The following PCDH9 variants were observed in gnomAD, a reference collection of about 807,000 sequenced individuals.
PCDH9 encodes the protein protocadherin-9.
A neutral mutation model predicts 70.6 loss-of-function variants in PCDH9; 24 were observed. The observed-to-expected ratio is 0.34, with a 90% CI of 0.25 to 0.48. The LOEUF (loss-of-function observed/expected upper bound fraction) is 0.48. Ranked by LOEUF, PCDH9 falls within the 20% of genes least tolerant of loss-of-function variation. The probability of loss-of-function intolerance (pLI) is 0.99; values close to 1 mark genes in which losing one functional copy is unlikely to be tolerated. For missense variants in PCDH9, 1,281 were observed against 1,503.6 expected, an observed-to-expected ratio of 0.85 and a Z score of 2.45; for synonymous variants, 562 against 558.5, an observed-to-expected ratio of 1.01 and a Z score of -0.09.
chr13:66,903,557 A>G lies in PCDH9; in HGVS notation c.3085T>C (p.Cys1029Arg). The G allele has an allele frequency of 6.3e-7, 1 of 1,585,718 alleles. No homozygotes were observed. Among genetic ancestry groups the G allele is most frequent in the Non-Finnish European group, 8.7e-7 (1 of 1,155,470 alleles). The change falls in exon 3 of 5, where the codon TGT becomes CGT. Residue 1029 changes from cysteine (C) to arginine (R), a missense_variant. Cys to Arg is a radical substitution (Grantham distance 180, BLOSUM62 -3). Coordinates refer to ENST00000377865, the MANE Select transcript of PCDH9 (RefSeq NM_203487.3). ...ATGTGGAAACCCGTGGAGCTGGGAC[A>G]TTTCTGAGGAGTGACAGGAATATTG... ...SDNIPVTPQKCPSSTGFHIQE... is the reference protein window; with the variant it reads ...SDNIPVTPQKRPSSTGFHIQE...
At chr13:66,601,238 C>A (rs2077162041) in intron 4 of PCDH9, among the ~76,000 whole-genome samples, 1 of 145,580 alleles carries the variant, frequency 6.9e-6, no homozygotes, top group Non-Finnish European at 1.5e-5. Flanking sequence ...ATATTTCTAG[C>A]AAAAAGATAT....
chr13:67,008,054 T>C (rs1392767840), intron 2 of PCDH9, among the ~76,000 whole-genome samples: 2 of 152,074 alleles, frequency 1.3e-5, no homozygotes, highest in Non-Finnish European at 2.9e-5. Context: ...AAAGCTCACA[T>C]ACATTTTATT....
chr13:66,307,078 T>G lies in PCDH9; in HGVS notation c.3341-2050A>C, dbSNP rs17081102. Among the ~76,000 whole-genome samples the G allele has an allele frequency of 5.5e-3, 837 of 152,178 alleles. 9 individuals are homozygous for G. The highest frequency in any genetic ancestry group is 0.019 in the African/African-American group (787 of 41,530). On this transcript the variant is annotated intron_variant, in intron 4 of 4. Transcript: ENST00000377865. ...AAGCAAGCTTCCATAACTCTACCAATTCATGCTTCATATGCACCTTGATTT... is the reference window on the plus strand; with the variant it reads ...AAGCAAGCTTCCATAACTCTACCAAGTCATGCTTCATATGCACCTTGATTT...
intron 2 of PCDH9, among the ~76,000 whole-genome samples, chr13:66,997,680 G>A (rs901435226): frequency 5.3e-5 from 8 of 152,030 alleles, no homozygotes; most frequent in African/African-American, 1.4e-4. Context: ...GACTACGGGC[G>A]CACATCACCA....
chr13:66,502,613 A>C (rs1959182436), intron 4 of PCDH9, among the ~76,000 whole-genome samples: 1 of 150,110 alleles, frequency 6.7e-6, no homozygotes, highest in Admixed American at 6.7e-5. Context: ...ACAGAAGTAC[A>C]CGCTACTGAA....
At chr13:67,128,177 A>G (rs181495298) in intron 2 of PCDH9, among the ~76,000 whole-genome samples, 113 of 152,332 alleles carry the variant, frequency 7.4e-4, no homozygotes, top group South Asian at 2.9e-3. Context: ...AGTGAGAGTG[A>G]ACACTGCAAT....
At chr13:66,946,842 A>T (rs2083096080) in intron 2 of PCDH9, among the ~76,000 whole-genome samples, 1 of 152,192 alleles carries the variant, frequency 6.6e-6, no homozygotes. Flanking sequence ...TAGCCCAAAA[A>T]ATATGACTTT....
intron 2 of PCDH9, among the ~76,000 whole-genome samples, chr13:66,958,396 T>C (rs948137666): frequency 3.3e-5 from 5 of 152,204 alleles, no homozygotes; most frequent in Non-Finnish European, 5.9e-5. Flanking sequence ...GGGAGTTGCA[T>C]TGATATAGAA....
rs538543835 is a variant in PCDH9 at position 66,837,380 on chromosome 13, T to A, written c.3138+66124A>T. ...GGCTTCGTTTTACAGTGGGGAAAAG[T>A]GAGGAATGAAGAAGTTAACTGACCT... On this transcript the variant is annotated intron_variant, in intron 3 of 4. Coordinates refer to ENST00000377865, the MANE Select transcript of PCDH9 (RefSeq NM_203487.3). Among the ~76,000 whole-genome samples the A allele has an allele frequency of 1.1e-3, 169 of 152,170 alleles. 1 individual carries two copies. The highest frequency in any genetic ancestry group is 4.8e-3 in the South Asian group (23 of 4,820).
intron 3 of PCDH9, among the ~76,000 whole-genome samples, chr13:66,733,643 C>T (rs2079105246): frequency 1.4e-5 from 2 of 148,078 alleles, no homozygotes; most frequent in Admixed American, 1.4e-4. Context: ...AGATTAGTGG[C>T]ATTTTCATAT....
chr13:66,778,277 T>TATA (rs201574363), intron 3 of PCDH9, among the ~76,000 whole-genome samples: 6 of 151,840 alleles, frequency 4.0e-5, no homozygotes, highest in African/African-American at 7.2e-5. Context: ...AAACTTAAAG[T>TATA]ATAATAATAA....
chr13:66,373,067 G>C (rs1956686514), intron 4 of PCDH9, among the ~76,000 whole-genome samples: 1 of 151,920 alleles, frequency 6.6e-6, no homozygotes, highest in African/African-American at 2.4e-5. Context: ...ATAGACAAAA[G>C]GTGAAAACAA....
chr13:66,641,955 G>A (rs1266375307), intron 3 of PCDH9, among the ~76,000 whole-genome samples: 1 of 152,000 alleles, frequency 6.6e-6, no homozygotes, highest in Non-Finnish European at 1.5e-5. Flanking sequence ...TGAAAATATT[G>A]TTTGCAGTTG....
intron 2 of PCDH9, chr13:66,914,469 T>G (rs1022059316): frequency 1.3e-5 from 2 of 151,866 alleles, no homozygotes; most frequent in African/African-American, 2.4e-5. Flanking sequence ...CATGAAATTG[T>G]TTTCCTGATG....
At chr13:66,772,300 A>G (rs1252788421) in intron 3 of PCDH9, among the ~76,000 whole-genome samples, 1 of 152,190 alleles carries the variant, frequency 6.6e-6, no homozygotes, top group Non-Finnish European at 1.5e-5. Flanking sequence ...CAAAACTCCC[A>G]TCTTTTGTGG....
At chr13:67,223,338 G>C (rs910513580) in intron 2 of PCDH9, 1 of 152,002 alleles carries the variant, frequency 6.6e-6, no homozygotes, top group African/African-American at 2.4e-5. Flanking sequence ...CAGAAAAAGT[G>C]GATCTATACA....
At chr13:67,065,728 G>T (rs924945737) in intron 2 of PCDH9, among the ~76,000 whole-genome samples, 3 of 152,058 alleles carry the variant, frequency 2.0e-5, no homozygotes, top group African/African-American at 7.2e-5. Flanking sequence ...GGTTAGTAGG[G>T]GCAGAGCAGG....
chr13:66,614,621 C>T (rs553836960), intron 4 of PCDH9, among the ~76,000 whole-genome samples: 6 of 152,188 alleles, frequency 3.9e-5, no homozygotes, highest in Non-Finnish European at 7.4e-5. Context: ...GCAGGCTTTT[C>T]GAATACTTCA....
At chr13:67,201,722 T>G (rs1469166173) in intron 2 of PCDH9, 1 of 152,018 alleles carries the variant, frequency 6.6e-6, no homozygotes, top group African/African-American at 2.4e-5. Flanking sequence ...CATACATAAT[T>G]TAAATACCTT....
Sources: allele counts gnomAD v4.1 joint callset (sites outside exome capture counted in the v4.1 genomes callset), GRCh38; gene constraint gnomAD v4.1.1; transcripts MANE v1.5; gene names NCBI Gene and HGNC (gene_info 2026-07-23, HGNC 2026-07-21).